Variants in LAD1 observed in about 807,000 individuals in gnomAD.
LAD1 encodes ladinin-1.
A neutral mutation model predicts 54.2 loss-of-function variants in LAD1; 53 were observed. The observed-to-expected ratio is 0.98, with a 90% CI of 0.78 to 1.23. The LOEUF (loss-of-function observed/expected upper bound fraction) is 1.23, where lower values mean the gene tolerates loss of function less well. Ranked by LOEUF, LAD1 falls within the 50% of genes most tolerant of loss-of-function variation. The probability of loss-of-function intolerance (pLI) is 0.00; values close to 1 mark genes in which losing one functional copy is unlikely to be tolerated. For missense variants in LAD1, 637 were observed against 653.3 expected, an observed-to-expected ratio of 0.98 and a Z score of 0.27; for synonymous variants, 231 against 257.7, an observed-to-expected ratio of 0.90 and a Z score of 0.99.
Position 201,399,249 on chromosome 1 carries a change from C to T in LAD1, c.38+20G>A, listed in dbSNP as rs1372153517. Reference sequence around the variant, plus strand: ...CTCCCCGCCGACCCCCCGCCCCTCCCGGCTCCCTCCGGCGCTCACCTGGAC... The same window carrying T: ...CTCCCCGCCGACCCCCCGCCCCTCCTGGCTCCCTCCGGCGCTCACCTGGAC... On this transcript the variant is annotated intron_variant, in intron 1 of 9. Transcript: ENST00000391967. 18 of 1,549,192 alleles carry T rather than the reference C, an allele frequency of 1.2e-5. No individual in the cohort carries two copies. The Admixed American group carries it at 2.8e-4, about 24-fold the overall frequency.
chr1:201,392,268 A>G (rs1279688455), intron 1 of LAD1, among the ~76,000 whole-genome samples: 1 of 152,166 alleles, frequency 6.6e-6, no homozygotes, highest in African/African-American at 2.4e-5. Context: ...ACTTTTGAGG[A>G]CCTACTATGT....
Position 201,386,545 on chromosome 1 carries a change from G to GC in LAD1, c.815dup (p.Ser272ArgfsTer7). The GC allele has an allele frequency of 6.2e-7, 1 of 1,612,200 alleles. No individual in the cohort carries two copies. Among genetic ancestry groups the GC allele is most frequent in the Non-Finnish European group, 8.5e-7 (1 of 1,179,334 alleles). On this transcript the variant is annotated frameshift_variant, in exon 3 of 10. Transcript: ENST00000391967. LOFTEE classifies it high-confidence loss of function. ...GGGCCGGCTTAGCATCTGCAGTTGGGCTCTTCTCTGAGGCCAGTGCCTTCT... is the reference window on the plus strand; with the variant it reads ...GGGCCGGCTTAGCATCTGCAGTTGGGCCTCTTCTCTGAGGCCAGTGCCTTCT...
intron 1 of LAD1, among the ~76,000 whole-genome samples, chr1:201,389,673 T>C (rs1316870469): frequency 6.6e-6 from 1 of 150,502 alleles, no homozygotes; most frequent in Non-Finnish European, 1.5e-5. Flanking sequence ...AAAAAAAAGA[T>C]TAGCCGGGTG....
intron 5 of LAD1, among the ~76,000 whole-genome samples, chr1:201,384,228 CT>C (rs1352607326): frequency 6.6e-6 from 1 of 152,152 alleles, no homozygotes; most frequent in African/African-American, 2.4e-5. Flanking sequence ...CAGGCCTAGC[CT>C]AGTGTAGTAG....
intron 4 of LAD1, among the ~76,000 whole-genome samples, 159 bp from the exon 5 acceptor site, chr1:201,384,994 C>G (rs531486056): frequency 1.3e-5 from 2 of 152,330 alleles, no homozygotes; most frequent in Admixed American, 6.5e-5. Flanking sequence ...TGTGGACAAG[C>G]CTTCGTTAAA....
At chr1:201,382,447 C>T (rs1661981746) in intron 8 of LAD1, 121 bp from the exon 9 acceptor site, 17 of 848,830 alleles carry the variant, frequency 2.0e-5, no homozygotes, top group Middle Eastern at 3.1e-4. Flanking sequence ...GAAAAGGAAC[C>T]CAGACCCACC....
chr1:201,381,149 T>G lies in LAD1; in HGVS notation c.*739A>C, dbSNP rs537786472. On this transcript the variant is annotated 3_prime_UTR_variant, in exon 10 of 10. Coordinates refer to ENST00000391967, the MANE Select transcript of LAD1 (RefSeq NM_005558.4). Reference sequence around the variant, plus strand: ...GATGATCCTCCTCACACACTTCAGGTGACCTCTGCTAGAAAGCAAGGCCTC... The same window carrying G: ...GATGATCCTCCTCACACACTTCAGGGGACCTCTGCTAGAAAGCAAGGCCTC... 1 of 153,696 alleles carries G rather than the reference T, an allele frequency of 6.5e-6. No individual in the cohort carries two copies. The highest frequency in any genetic ancestry group is 1.5e-5 in the Non-Finnish European group (1 of 68,718). 9.5% of individuals were successfully genotyped at this position (153,696 alleles called of 1,614,324 possible).
intron 8 of LAD1, 132 bp downstream of exon 8, chr1:201,382,521 T>C: frequency 4.0e-6 from 3 of 751,144 alleles, no homozygotes; most frequent in Non-Finnish European, 6.4e-6. Context: ...ACTCCTGAAA[T>C]GACTCCTCCT....
Position 201,381,713 on chromosome 1 carries a change from G to A in LAD1, c.*175C>T, listed in dbSNP as rs1297203225. On this transcript the variant is annotated 3_prime_UTR_variant, in exon 10 of 10. Coordinates refer to ENST00000391967, the MANE Select transcript of LAD1 (RefSeq NM_005558.4). ...AGCCCCAAGAGGCTGGGCTGGGAAG[G>A]AGCTGGCTGAGTCTTGCAAATATTC... is the stretch of plus-strand genomic sequence containing the variant. 1.4e-6 allele frequency: 1 copy of A among 726,774 alleles called. No individual in the cohort carries two copies. The highest frequency in any genetic ancestry group is 2.5e-6 in the Non-Finnish European group (1 of 401,638). 45.0% of individuals were successfully genotyped at this position (726,774 alleles called of 1,614,324 possible).
In LAD1 at chr1:201,384,899, T is replaced by C. The variant is rs115871011; in HGVS notation, c.1132-64A>G. 3.7e-3 allele frequency: 5,577 copies of C among 1,510,542 alleles called. 148 individuals are homozygous for C. The African/African-American group carries it at 0.063, about 17-fold the overall frequency. 93.6% of individuals were successfully genotyped at this position (1,510,542 alleles called of 1,614,324 possible). A position where few individuals can be genotyped will look rare whatever the true frequency, so the allele number is the denominator to read the frequency against. Reference sequence around the variant, plus strand: ...CCGGGAAATCGGTGGCCCCCTCGAGTGAGGAGCCCAGCTCTCAAGACATGT... The same window carrying C: ...CCGGGAAATCGGTGGCCCCCTCGAGCGAGGAGCCCAGCTCTCAAGACATGT... On this transcript the variant is annotated intron_variant, in intron 4 of 9. Transcript: ENST00000391967.
chr1:201,396,226 C>A (rs1161389852), intron 1 of LAD1, among the ~76,000 whole-genome samples: 2 of 152,138 alleles, frequency 1.3e-5, no homozygotes, highest in African/African-American at 2.4e-5. Context: ...TCTAGACAAC[C>A]CTTTCCCCCA....
chr1:201,386,426 G>T lies in LAD1; in HGVS notation c.935C>A (p.Ala312Asp). ...AGAGGGCAGGTTCTTCCCAGGGAGG[G>T]CCCTTCCTCTCTGCTCCTTGGTGGT... ...PATTKEQRGR[A>D]LPGKNLPSLA... The change falls in exon 3 of 10, where the codon GCC becomes GAC. Residue 312 changes from alanine to aspartate, a missense_variant. Ala to Asp is a moderately radical substitution (Grantham distance 126). Transcript: ENST00000391967. The T allele has an allele frequency of 6.5e-7, 1 of 1,530,888 alleles. No individual in the cohort carries two copies. Among genetic ancestry groups the T allele is most frequent in the Non-Finnish European group, 8.7e-7 (1 of 1,144,402 alleles). The allele number at this position is 1,530,888 out of a possible 1,614,324, so 94.8% of individuals were successfully genotyped here.
Position 201,381,891 on chromosome 1 carries a change from C to G in LAD1, c.1551G>C (p.Val517=), listed in dbSNP as rs777600300. The change falls in exon 10 of 10, where the codon GTG becomes GTC. Residue 517 remains valine, a splice_region_variant and synonymous_variant. Transcript: ENST00000391967. The part of the protein sequence containing the change: ...QKSDSSLDAE[V] ...AGGTCTGTCTTGGCGGGGCTTGTCACACCTGTGGGGCAAAGAGCTGTTAGC... is the reference window on the plus strand; with the variant it reads ...AGGTCTGTCTTGGCGGGGCTTGTCAGACCTGTGGGGCAAAGAGCTGTTAGC... 4 of 1,613,704 alleles carry G rather than the reference C, an allele frequency of 2.5e-6. No homozygotes were observed. The highest frequency in any genetic ancestry group is 3.4e-6 in the Non-Finnish European group (4 of 1,179,842).
chr1:201,391,536 A>G (rs569846642), intron 1 of LAD1, among the ~76,000 whole-genome samples: 1 of 152,326 alleles, frequency 6.6e-6, no homozygotes, highest in Admixed American at 6.5e-5. Context: ...GGCATCACAG[A>G]ACATGGCAGG....
chr1:201,392,825 G>T (rs899362888), intron 1 of LAD1, among the ~76,000 whole-genome samples: 3 of 151,920 alleles, frequency 2.0e-5, no homozygotes, highest in African/African-American at 7.3e-5. Context: ...AGGGGAGAGG[G>T]GAAACAGAGG....
At chr1:201,394,283 G>A (rs371068770) in intron 1 of LAD1, among the ~76,000 whole-genome samples, 1 of 152,220 alleles carries the variant, frequency 6.6e-6, no homozygotes, top group Non-Finnish European at 1.5e-5. Flanking sequence ...CTCCCCCAAA[G>A]GCAATCTGCC....
intron 1 of LAD1, chr1:201,391,117 C>T (rs1336653670): frequency 4.4e-6 from 2 of 456,554 alleles, no homozygotes; most frequent in African/African-American, 4.0e-5. Flanking sequence ...TTTCACTTCC[C>T]AGGGGCTCTT....
chr1:201,392,928 T>C (rs1487538101), intron 1 of LAD1, among the ~76,000 whole-genome samples: 1 of 151,962 alleles, frequency 6.6e-6, no homozygotes, highest in African/African-American at 2.4e-5. Flanking sequence ...GGAAAAGTGA[T>C]AGATTCGGGA....
Position 201,380,940 on chromosome 1 carries a change from T to C in LAD1, c.*948A>G, listed in dbSNP as rs1661940056. ...GCTTGGTTGGTTCTAGATTCTCTGA[T>C]GGTTCACCATGCTCCAAGCTCATAG... On this transcript the variant is annotated 3_prime_UTR_variant, in exon 10 of 10. Transcript: ENST00000391967. The C allele has an allele frequency of 6.7e-6, 1 of 150,138 alleles. No homozygotes were observed. 9.3% of individuals were successfully genotyped at this position (150,138 alleles called of 1,614,324 possible).
Sources: allele counts gnomAD v4.1 joint callset (sites outside exome capture counted in the v4.1 genomes callset), GRCh38; gene constraint gnomAD v4.1.1; transcripts MANE v1.5; gene names NCBI Gene and HGNC (gene_info 2026-07-23, HGNC 2026-07-21).